Variants in RAB11FIP2 observed in about 807,000 individuals in gnomAD.
RAB11FIP2 encodes the protein rab11 family-interacting protein 2.
In RAB11FIP2, 16 loss-of-function variants were observed where a neutral mutation model predicts 40.9. The observed-to-expected ratio is 0.39, with a 90% CI of 0.26 to 0.59. RAB11FIP2 has a LOEUF of 0.59. Among genes scored for constraint, RAB11FIP2 ranks in the 20% least tolerant of loss-of-function variants. The pLI is 0.53. For synonymous variants in RAB11FIP2, 228 were observed against 213.7 expected (o/e 1.07, Z -0.58); for missense variants, 532 against 606.2 (o/e 0.88, Z 1.28).
At chr10:118,039,835 C>G (rs1361692829) in intron 2 of RAB11FIP2, 5 of 383,810 alleles carry the variant, frequency 1.3e-5, no homozygotes, top group Non-Finnish European at 2.3e-5. Context: ...CATTTATGCT[C>G]AGGGTTTTGA....
chr10:118,020,352 T>C (rs1258716491), intron 3 of RAB11FIP2, among the ~76,000 whole-genome samples: 2 of 152,170 alleles, frequency 1.3e-5, no homozygotes, highest in African/African-American at 4.8e-5. Flanking sequence ...AGTCTTAGAT[T>C]TAGTCTAAAA....
intron 2 of RAB11FIP2, 33 bp downstream of exon 2, chr10:118,040,090 A>C: frequency 6.4e-7 from 1 of 1,561,004 alleles, no homozygotes; most frequent in Admixed American, 1.8e-5. Context: ...AGGGTAGTTC[A>C]GACCAATGAG....
At chr10:118,023,378 C>T (rs1408733919) in intron 3 of RAB11FIP2, among the ~76,000 whole-genome samples, 2 of 151,998 alleles carry the variant, frequency 1.3e-5, no homozygotes, top group South Asian at 2.1e-4. Flanking sequence ...AGAGGCAAGA[C>T]GAAACTCAAT....
chr10:118,037,004 T>G (rs1846489910), intron 3 of RAB11FIP2, among the ~76,000 whole-genome samples: 1 of 152,124 alleles, frequency 6.6e-6, no homozygotes, highest in Non-Finnish European at 1.5e-5. Context: ...TATTTTCCTA[T>G]CATTTTCCAT....
chr10:118,037,535 C>T (rs965549949), intron 3 of RAB11FIP2, among the ~76,000 whole-genome samples: 1 of 151,984 alleles, frequency 6.6e-6, no homozygotes, highest in Admixed American at 6.6e-5. Context: ...ATACATCAAA[C>T]ATAATTGTAG....
At chr10:118,011,854 T>G (rs978431634) in intron 4 of RAB11FIP2, among the ~76,000 whole-genome samples, 2 of 152,084 alleles carry the variant, frequency 1.3e-5, no homozygotes, top group Non-Finnish European at 2.9e-5. Context: ...CATTACTGAT[T>G]AGTTGACTGC....
chr10:118,020,405 T>C (rs1846269621), intron 3 of RAB11FIP2, among the ~76,000 whole-genome samples: 1 of 152,204 alleles, frequency 6.6e-6, no homozygotes, highest in Non-Finnish European at 1.5e-5. Flanking sequence ...TGGAAATAAC[T>C]GTGCTCTTGA....
rs900784497 is a variant in RAB11FIP2, at chr10:118,005,429, A to C, written c.*3569T>G. On this transcript the variant is annotated 3_prime_UTR_variant, in exon 5 of 5. Transcript: ENST00000355624. Reference sequence around the variant, plus strand: ...CATATTAAATACTTCCAATGATTGCATCTGGATTATTAAAGTTCTACATCT... The same window carrying C: ...CATATTAAATACTTCCAATGATTGCCTCTGGATTATTAAAGTTCTACATCT... 6.6e-6 allele frequency: 1 copy of C among 152,640 alleles called. No individual in the cohort carries two copies. The highest frequency in any genetic ancestry group is 2.4e-5 in the African/African-American group (1 of 41,460). The allele number at this position is 152,640 out of a possible 1,614,324, so 9.5% of individuals were successfully genotyped here. A position where few individuals can be genotyped will look rare whatever the true frequency, so the allele number is the denominator to read the frequency against.
intron 3 of RAB11FIP2, among the ~76,000 whole-genome samples, chr10:118,021,211 T>C (rs1356902431): frequency 6.6e-6 from 1 of 152,256 alleles, no homozygotes; most frequent in East Asian, 1.9e-4. Flanking sequence ...GCTCCTGCAG[T>C]ATGTAAAATG....
intron 1 of RAB11FIP2, 72 bp from the exon 2 acceptor site, chr10:118,040,637 A>G (rs2133183027): frequency 9.0e-7 from 1 of 1,113,642 alleles, no homozygotes; most frequent in South Asian, 1.6e-5. Flanking sequence ...TTACATACAA[A>G]TAGCCTTTTA....
At chr10:118,045,609 G>A in intron 1 of RAB11FIP2, 1 of 537,236 alleles carries the variant, frequency 1.9e-6, no homozygotes, top group East Asian at 3.1e-5. Context: ...GAAAGAATAA[G>A]GGATCATTAA....
intron 3 of RAB11FIP2, among the ~76,000 whole-genome samples, chr10:118,025,463 T>C (rs1483053425): frequency 1.3e-5 from 2 of 152,100 alleles, no homozygotes; most frequent in Non-Finnish European, 2.9e-5. Context: ...AAGTTTTTGT[T>C]CGGAATCTAA....
chr10:118,019,575 G>A (rs1002064843), intron 3 of RAB11FIP2, among the ~76,000 whole-genome samples: 1 of 152,056 alleles, frequency 6.6e-6, no homozygotes, highest in African/African-American at 2.4e-5. Context: ...TGTAATCCCA[G>A]CACTTTGGGA....
At chr10:118,017,235 T>C (rs562681413) in intron 3 of RAB11FIP2, among the ~76,000 whole-genome samples, 2 of 152,288 alleles carry the variant, frequency 1.3e-5, no homozygotes, top group South Asian at 4.1e-4. Flanking sequence ...CAGATTTACT[T>C]AGTGAGCACT....
chr10:118,023,915 C>T (rs904904324), intron 3 of RAB11FIP2, among the ~76,000 whole-genome samples: 4 of 151,854 alleles, frequency 2.6e-5, no homozygotes, highest in Non-Finnish European at 5.9e-5. Flanking sequence ...ATGGTGAAAC[C>T]CTGTCTCTAC....
chr10:118,033,104 C>G (rs895335943), intron 3 of RAB11FIP2, among the ~76,000 whole-genome samples: 3 of 151,992 alleles, frequency 2.0e-5, no homozygotes, highest in African/African-American at 7.2e-5. Flanking sequence ...ATATAGGGTT[C>G]GGAACTGTGC....
In RAB11FIP2 at chr10:118,046,325, G is replaced by A; in HGVS notation, c.-162C>T. On this transcript the variant is annotated 5_prime_UTR_variant, in exon 1 of 5. Transcript: ENST00000355624. ...TGGCTGATGTCAAAACGCCTCGCGG[G>A]GGCAGCCCAGGGGCACGGCCGCTCC... 1.5e-6 allele frequency: 1 copy of A among 648,794 alleles called. No homozygotes were observed. Among genetic ancestry groups the A allele is most frequent in the Admixed American group, 2.9e-5 (1 of 34,000 alleles). 40.2% of individuals were successfully genotyped at this position (648,794 alleles called of 1,614,324 possible).
chr10:118,011,257 C>T (rs1846151179), intron 4 of RAB11FIP2, among the ~76,000 whole-genome samples: 1 of 152,040 alleles, frequency 6.6e-6, no homozygotes, highest in South Asian at 2.1e-4. Context: ...AAGTTTCAGT[C>T]ATATTTCCTT....
rs1846653434 is a variant in RAB11FIP2 at position 118,046,863 on chromosome 10, G to C, written c.-700C>G. On this transcript the variant is annotated 5_prime_UTR_variant, in exon 1 of 5. Coordinates refer to ENST00000355624, the MANE Select transcript of RAB11FIP2 (RefSeq NM_014904.3). ...CGGGCGCTTGGTTCGGCCTGGCCCG[G>C]CCGGCGGCTCCTAACACCGGGCGGG... The C allele has an allele frequency of 6.6e-6, 1 of 152,560 alleles. No individual in the cohort carries two copies. The highest frequency in any genetic ancestry group is 6.5e-5 in the Admixed American group (1 of 15,274). The allele number at this position is 152,560 out of a possible 1,614,324, so 9.5% of individuals were successfully genotyped here. A position where few individuals can be genotyped will look rare whatever the true frequency, so the allele number is the denominator to read the frequency against.
Sources: gnomAD v4.1 joint callset for allele counts (sites outside exome capture counted in the v4.1 genomes callset) on GRCh38, gnomAD v4.1.1 for gene constraint, MANE v1.5 for transcripts, NCBI Gene and HGNC (gene_info 2026-07-23, HGNC 2026-07-21) for gene names.